Variants in INPP4B observed in about 807,000 individuals in gnomAD.
INPP4B encodes inositol polyphosphate-4-phosphatase type II B.
Under a neutral mutation model 122.5 loss-of-function variants are expected in INPP4B, and 55 were observed. The observed-to-expected ratio is 0.45, with a 90% confidence interval of 0.36 to 0.56. The LOEUF (loss-of-function observed/expected upper bound fraction) is 0.56, where lower values mean the gene tolerates loss of function less well. Ranked by LOEUF, INPP4B falls within the 20% of genes least tolerant of loss-of-function variation. The pLI, the probability that INPP4B is intolerant of heterozygous loss-of-function variation, is 0.00. For synonymous variants in INPP4B, 403 were observed against 388.7 expected, an observed-to-expected ratio of 1.04 and a Z score of -0.43; for missense variants, 1,000 against 1,097.7, an observed-to-expected ratio of 0.91 and a Z score of 1.26.
At chr4:142,271,643 C>A (rs984579363) in intron 9 of INPP4B, among the ~76,000 whole-genome samples, 2 of 152,056 alleles carry the variant, frequency 1.3e-5, no homozygotes, top group African/African-American at 4.8e-5. Context: ...GAACATAACC[C>A]AAAGCTCATT....
intron 2 of INPP4B, among the ~76,000 whole-genome samples, chr4:142,684,854 A>G (rs1759119929): frequency 1.3e-5 from 2 of 151,992 alleles, no homozygotes; most frequent in African/African-American, 4.8e-5. Context: ...CAAAATTATA[A>G]TTGGACAAAA....
At chr4:142,490,941 A>C (rs2149781847) in intron 2 of INPP4B, among the ~76,000 whole-genome samples, 1 of 152,306 alleles carries the variant, frequency 6.6e-6, no homozygotes, top group Admixed American at 6.5e-5. Flanking sequence ...TTGTGTATAT[A>C]TACATTTTCT....
chr4:142,524,956 T>C (rs1437127367), intron 2 of INPP4B, among the ~76,000 whole-genome samples: 4 of 152,124 alleles, frequency 2.6e-5, no homozygotes, highest in Non-Finnish European at 2.9e-5. Context: ...TTCTCCCTGT[T>C]TGCAGACGAC....
At chr4:142,533,581 A>G (rs1827864748) in intron 2 of INPP4B, among the ~76,000 whole-genome samples, 1 of 152,146 alleles carries the variant, frequency 6.6e-6, no homozygotes, top group South Asian at 2.1e-4. Context: ...ATTCTCAATT[A>G]CTCATCATAA....
chr4:142,078,434 A>G (rs548153787), intron 25 of INPP4B, among the ~76,000 whole-genome samples: 1 of 152,162 alleles, frequency 6.6e-6, no homozygotes, highest in Admixed American at 6.6e-5. Flanking sequence ...AGGACCCGAA[A>G]GTTTTAGAAA....
intron 2 of INPP4B, among the ~76,000 whole-genome samples, chr4:142,631,819 C>A (rs1056025788): frequency 6.6e-6 from 1 of 152,004 alleles, no homozygotes; most frequent in Non-Finnish European, 1.5e-5. Context: ...GAGTTCTCTA[C>A]CAAAATACAA....
At chr4:142,174,048 C>T (rs1219268) in intron 15 of INPP4B, among the ~76,000 whole-genome samples, 98,282 of 151,952 alleles carry the variant, frequency 0.65, 37,269 homozygotes, top group Non-Finnish European at 0.83. Flanking sequence ...TAATACTTGA[C>T]GTGATTACAT....
chr4:142,270,642 A>G (rs765029221), intron 10 of INPP4B, 21 bp downstream of exon 10: 23 of 1,425,760 alleles, frequency 1.6e-5, no homozygotes, highest in South Asian at 1.6e-4. Context: ...AATTTGTACA[A>G]TGAGCAGACT....
At chr4:142,276,922 T>C (rs1327572188) in intron 9 of INPP4B, among the ~76,000 whole-genome samples, 1 of 151,948 alleles carries the variant, frequency 6.6e-6, no homozygotes, top group Non-Finnish European at 1.5e-5. Flanking sequence ...CTCTAGCTCC[T>C]TGAATTAAGA....
chr4:142,237,249 A>C (rs1415937530), intron 12 of INPP4B, among the ~76,000 whole-genome samples: 1 of 152,190 alleles, frequency 6.6e-6, no homozygotes, highest in Non-Finnish European at 1.5e-5. Context: ...TTACTTCCAG[A>C]AACAGCAACC....
chr4:142,328,901 C>T (rs553749230), intron 7 of INPP4B, among the ~76,000 whole-genome samples: 1 of 152,234 alleles, frequency 6.6e-6, no homozygotes, highest in East Asian at 1.9e-4. Context: ...TAATCTTACC[C>T]TTTTTAAGAC....
intron 25 of INPP4B, among the ~76,000 whole-genome samples, chr4:142,049,155 A>T (rs1317456044): frequency 6.6e-6 from 1 of 152,012 alleles, no homozygotes; most frequent in Non-Finnish European, 1.5e-5. Flanking sequence ...GTAATTAAAA[A>T]AAATGTAATG....
chr4:142,302,272 G>C (rs578092887), intron 9 of INPP4B, among the ~76,000 whole-genome samples: 33 of 152,200 alleles, frequency 2.2e-4, no homozygotes, highest in African/African-American at 7.5e-4. Flanking sequence ...TGTAAGCCTC[G>C]GCACGGTGGT....
chr4:142,240,040 C>T (rs544961628), intron 11 of INPP4B, among the ~76,000 whole-genome samples: 51 of 150,544 alleles, frequency 3.4e-4, no homozygotes, highest in Admixed American at 8.6e-4. Flanking sequence ...GATCTCAAAA[C>T]GAATCCTTCT....
chr4:142,419,612 C>A (rs192242121), intron 5 of INPP4B, among the ~76,000 whole-genome samples: 147 of 152,228 alleles, frequency 9.7e-4, no homozygotes, highest in African/African-American at 3.3e-3. Context: ...TCTTCCACTA[C>A]AAAACAGGAA....
rs1171303456 is a variant in INPP4B, at chr4:142,396,761, T to G, written c.372+6177A>C. ...ATTGTGATATATCACTACAACAGACTGCAATAAAAAGGAATGGGCTAATGA... is the reference window on the plus strand; with the variant it reads ...ATTGTGATATATCACTACAACAGACGGCAATAAAAAGGAATGGGCTAATGA... On this transcript the variant is annotated intron_variant, in intron 7 of 25. Transcript: ENST00000262992. Among the ~76,000 whole-genome samples the G allele has an allele frequency of 3.3e-5, 5 of 152,046 alleles. No individual in the cohort carries two copies. In the East Asian group the frequency reaches 7.7e-4, roughly 23 times the overall value.
chr4:142,335,558 A>T (rs1291529827), intron 7 of INPP4B, among the ~76,000 whole-genome samples: 1 of 152,188 alleles, frequency 6.6e-6, no homozygotes, highest in Admixed American at 6.5e-5. Context: ...GGATATTTAC[A>T]TATATTCACA....
At chr4:142,047,134 G>A (rs925271206) in intron 25 of INPP4B, among the ~76,000 whole-genome samples, 2 of 152,106 alleles carry the variant, frequency 1.3e-5, no homozygotes, top group Non-Finnish European at 2.9e-5. Flanking sequence ...TGTGTTGTTT[G>A]TCAAGAAGAT....
chr4:142,558,368 T>A (rs1729667225), intron 2 of INPP4B, among the ~76,000 whole-genome samples: 1 of 152,080 alleles, frequency 6.6e-6, no homozygotes, highest in Non-Finnish European at 1.5e-5. Flanking sequence ...ACTTCCAAAT[T>A]TAATCATCCT....
Sources: allele counts gnomAD v4.1 joint callset (sites outside exome capture counted in the v4.1 genomes callset), GRCh38; gene constraint gnomAD v4.1.1; transcripts MANE v1.5; gene names NCBI Gene and HGNC (gene_info 2026-07-23, HGNC 2026-07-21).